The following TPTE2 variants were observed in gnomAD, a reference collection of about 807,000 sequenced individuals.
TPTE2 encodes the protein phosphatidylinositol 3,4,5-trisphosphate 3-phosphatase TPTE2.
In TPTE2, 53 loss-of-function variants were observed where a neutral mutation model predicts 78.6. The observed-to-expected ratio is 0.67, with a 90% CI of 0.54 to 0.85. The LOEUF is 0.85. TPTE2 is among the 40% of genes least tolerant of loss of function. TPTE2 has a pLI of 0.00. For synonymous variants in TPTE2, 175 were observed against 206.2 expected (o/e 0.85, Z 1.30); for missense variants, 461 against 623.0 (o/e 0.74, Z 2.77).
At chr13:19,491,387 A>G (rs1174838711) in intron 3 of TPTE2, among the ~76,000 whole-genome samples, 4 of 152,228 alleles carry the variant, frequency 2.6e-5, no homozygotes, top group African/African-American at 4.8e-5. Context: ...TATGAAATAC[A>G]TACATATATA....
At chr13:19,467,301 C>T in exon 7 of TPTE2, 1 of 1,581,368 alleles carries the variant, frequency 6.3e-7, no homozygotes, top group Non-Finnish European at 8.6e-7. Flanking sequence ...ACAATAATGG[C>T]AGTATCTAAA....
intron 3 of TPTE2, among the ~76,000 whole-genome samples, chr13:19,488,799 G>C (rs1305928974): frequency 6.6e-6 from 1 of 152,208 alleles, no homozygotes. Context: ...CAGTGGAGCA[G>C]CAGTCTTAAT....
chr13:19,451,161 A>C lies in TPTE2; in HGVS notation c.802+4T>G, dbSNP rs374198090. 1 of 1,613,260 alleles carries C rather than the reference A, an allele frequency of 6.2e-7. No homozygotes were observed. Among genetic ancestry groups the C allele is most frequent in the South Asian group, 1.1e-5 (1 of 91,066 alleles). On this transcript the variant is annotated splice_donor_region_variant and intron_variant, in intron 11 of 19. Coordinates refer to ENST00000400230, the Ensembl canonical transcript of TPTE2. ...AGTAGCAAAATATAGAGTAATGTAC[A>C]TACTGCATAGATTGTAGACTCGATA...
At chr13:19,462,812 T>C (rs1455408218) in intron 10 of TPTE2, among the ~76,000 whole-genome samples, 2 of 152,030 alleles carry the variant, frequency 1.3e-5, no homozygotes, top group Admixed American at 1.3e-4. Context: ...CCCAAAGTGC[T>C]GGGATTACAG....
chr13:19,463,006 C>G (rs1401604817), intron 10 of TPTE2, among the ~76,000 whole-genome samples: 1 of 149,026 alleles, frequency 6.7e-6, no homozygotes, highest in East Asian at 2.0e-4. Flanking sequence ...TTTTTTCAGA[C>G]AGGGTATCAC....
intron 13 of TPTE2, among the ~76,000 whole-genome samples, chr13:19,447,871 C>T (rs2137523260): frequency 6.6e-6 from 1 of 152,276 alleles, no homozygotes; most frequent in Admixed American, 6.5e-5. Context: ...TATCATTACA[C>T]TATAAAAATT....
chr13:19,561,151 G>A, the TPTE2 span: 9 of 1,594,674 alleles, frequency 5.6e-6, no homozygotes, highest in South Asian at 1.1e-5. Context: ...CAGGGGCCAG[G>A]GCCACAGGAG....
At chr13:19,451,269 A>G in intron 10 of TPTE2, 44 bp from the exon 14 acceptor site, 1 of 1,611,324 alleles carries the variant, frequency 6.2e-7, no homozygotes, top group East Asian at 2.2e-5. Flanking sequence ...CATGGCACCA[A>G]CACAAGCTAT....
chr13:19,479,468 T>C (rs1410265730), intron 4 of TPTE2, among the ~76,000 whole-genome samples: 3 of 152,140 alleles, frequency 2.0e-5, no homozygotes, highest in African/African-American at 7.2e-5. Context: ...AATCAATTAA[T>C]AGCAAAATAT....
At chr13:19,499,023 A>G (rs1881580177) in intron 1 of TPTE2, among the ~76,000 whole-genome samples, 1 of 152,136 alleles carries the variant, frequency 6.6e-6, no homozygotes, top group African/African-American at 2.4e-5. Flanking sequence ...AACAGACTTT[A>G]AACCAACAAA....
At position 19,450,943 on chromosome 13, in the gene TPTE2, C is replaced by T. The variant is rs1270289918; in HGVS notation, c.802+222G>A. On this transcript the variant is annotated intron_variant, in intron 11 of 19. Coordinates refer to ENST00000400230, the Ensembl canonical transcript of TPTE2. ...TAAAATGGTTTGCTTCCACTCCAGC[C>T]TCATTGGTCCTGCCAAAGCCACATC... Among the ~76,000 whole-genome samples the T allele has an allele frequency of 5.3e-5, 8 of 152,274 alleles. No homozygotes were observed. In the East Asian group the frequency reaches 1.5e-3, roughly 29 times the overall value.
chr13:19,561,253 G>C, the TPTE2 span: 1 of 1,285,860 alleles, frequency 7.8e-7, no homozygotes, highest in Admixed American at 2.2e-5. Flanking sequence ...CACCTGGCTG[G>C]ACATGGCGCT....
the TPTE2 span, chr13:19,560,924 T>G: frequency 1.9e-6 from 3 of 1,596,944 alleles, no homozygotes; most frequent in Non-Finnish European, 2.6e-6. Flanking sequence ...ACAGCTGTAC[T>G]CCATACTCCC....
At chr13:19,480,929 ACTT>A (rs1880309325) in intron 4 of TPTE2, among the ~76,000 whole-genome samples, 1 of 152,158 alleles carries the variant, frequency 6.6e-6, no homozygotes, top group African/African-American at 2.4e-5. Flanking sequence ...CTTGTAAAAA[ACTT>A]AATTGTTCAG....
upstream of TPTE2, among the ~76,000 whole-genome samples, chr13:19,506,933 G>A (rs932606968): frequency 1.3e-5 from 2 of 152,324 alleles, no homozygotes; most frequent in Non-Finnish European, 2.9e-5. Context: ...CAGCTAGGAA[G>A]AAGAAGTAGA....
rs773462869 is a variant in TPTE2, at chr13:19,493,438, T to C, written c.65+10A>G. The C allele has an allele frequency of 6.8e-6, 11 of 1,613,774 alleles. No homozygotes were observed. Among genetic ancestry groups the C allele is most frequent in the Non-Finnish European group, 9.3e-6 (11 of 1,179,734 alleles). On this transcript the variant is annotated intron_variant, in intron 2 of 19. Transcript: ENST00000400230. Reference sequence around the variant, plus strand: ...TGACGGGTGACTTTATTTAACTATTTATTACTTACCTTTCTTTCGCAGGTG... The same window carrying C: ...TGACGGGTGACTTTATTTAACTATTCATTACTTACCTTTCTTTCGCAGGTG...
chr13:19,490,452 G>A (rs888753680), intron 3 of TPTE2, among the ~76,000 whole-genome samples: 3 of 152,060 alleles, frequency 2.0e-5, no homozygotes, highest in African/African-American at 7.2e-5. Context: ...GGTTTTAGAT[G>A]TCTGTAATGG....
At chr13:19,498,741 T>C (rs1252795818) in intron 1 of TPTE2, among the ~76,000 whole-genome samples, 1 of 150,586 alleles carries the variant, frequency 6.6e-6, no homozygotes, top group African/African-American at 2.4e-5. Context: ...CTGCATCAAC[T>C]AACGCGCAAA....
chr13:19,443,360 A>G (rs1455100423), intron 13 of TPTE2, among the ~76,000 whole-genome samples: 2 of 149,510 alleles, frequency 1.3e-5, no homozygotes, highest in Non-Finnish European at 3.0e-5. Context: ...AAAAACTCTT[A>G]GCAAGCTAAA....
Sources: allele counts gnomAD v4.1 joint callset (sites outside exome capture counted in the v4.1 genomes callset), GRCh38; gene constraint gnomAD v4.1.1; transcripts MANE v1.5; gene names NCBI Gene and HGNC (gene_info 2026-07-23, HGNC 2026-07-21).